The following THRB variants were observed in gnomAD, a reference collection of about 807,000 sequenced individuals.
THRB encodes the protein thyroid hormone receptor beta, also known as nuclear receptor subfamily 1 group A member 2.
Under a neutral mutation model 47.8 loss-of-function variants are expected in THRB, and 12 were observed. That is an observed-to-expected ratio of 0.25 (90% CI 0.16 to 0.41). THRB has a LOEUF of 0.41. THRB is among the 10% of genes least tolerant of loss of function. THRB has a pLI of 1.00. For missense variants in THRB, 348 were observed against 589.2 expected (o/e 0.59, Z 4.24); for synonymous variants, 218 against 212.2 (o/e 1.03, Z -0.24).
At position 24,271,419 on chromosome 3, in the gene THRB, A is replaced by C. The variant is rs147454804; in HGVS notation, c.-43+25807T>G. ...CTGAGTGTGGCTAAACTTGTAAAGC[A>C]AATGGCTGTGGGAACCAATGCTGTG... On this transcript the variant is annotated intron_variant, in intron 3 of 10. Transcript: ENST00000646209. Among the ~76,000 whole-genome samples the C allele has an allele frequency of 3.3e-5, 5 of 152,360 alleles. No homozygotes were observed. In the East Asian group the frequency reaches 9.6e-4, roughly 29 times the overall value.
At chr3:24,256,794 G>C (rs1451941505) in intron 3 of THRB, among the ~76,000 whole-genome samples, 1 of 152,186 alleles carries the variant, frequency 6.6e-6, no homozygotes, top group East Asian at 1.9e-4. Flanking sequence ...GAGAGCAAGG[G>C]AGGACAAAGA....
intron 1 of THRB, among the ~76,000 whole-genome samples, chr3:24,468,163 T>G (rs2074295288): frequency 6.6e-6 from 1 of 152,218 alleles, no homozygotes; most frequent in South Asian, 2.1e-4. Context: ...TCTGCAGCTT[T>G]CTTACCTCTC....
chr3:24,136,438 GGTTGAGCA>G (rs1559424207), intron 8 of THRB, among the ~76,000 whole-genome samples: 2 of 152,074 alleles, frequency 1.3e-5, no homozygotes, highest in African/African-American at 2.4e-5. Context: ...GGTTAATCAA[GGTTGAGCA>G]GTGAAACCCT....
At chr3:24,467,077 C>A (rs1486087227) in intron 1 of THRB, among the ~76,000 whole-genome samples, 1 of 152,174 alleles carries the variant, frequency 6.6e-6, no homozygotes, top group Non-Finnish European at 1.5e-5. Flanking sequence ...ATGGAATATT[C>A]TAAATCCTTT....
intron 1 of THRB, among the ~76,000 whole-genome samples, chr3:24,364,876 C>A (rs936187687): frequency 6.6e-5 from 10 of 152,068 alleles, no homozygotes; most frequent in African/African-American, 2.4e-4. Flanking sequence ...TAGAGAAATA[C>A]CAAAAATCAA....
At chr3:24,459,610 T>A (rs1489153556) in intron 1 of THRB, among the ~76,000 whole-genome samples, 2 of 152,220 alleles carry the variant, frequency 1.3e-5, no homozygotes, top group Non-Finnish European at 2.9e-5. Flanking sequence ...TTTCTCCACA[T>A]CCTCTCTAGC....
At chr3:24,256,482 T>A (rs1171502759) in intron 3 of THRB, among the ~76,000 whole-genome samples, 1 of 152,062 alleles carries the variant, frequency 6.6e-6, no homozygotes, top group Non-Finnish European at 1.5e-5. Flanking sequence ...TTAAAAAAAT[T>A]TAATGGAAGA....
intron 6 of THRB, among the ~76,000 whole-genome samples, chr3:24,147,736 G>A (rs762908770): frequency 1.3e-5 from 2 of 152,196 alleles, no homozygotes; most frequent in Non-Finnish European, 2.9e-5. Flanking sequence ...AGGGCACATT[G>A]CTAAGTGCTG....
At chr3:24,398,633 C>A (rs1417695086) in intron 1 of THRB, among the ~76,000 whole-genome samples, 1 of 152,172 alleles carries the variant, frequency 6.6e-6, no homozygotes, top group East Asian at 1.9e-4. Context: ...GTTGGTGGGA[C>A]TGTAAACTAG....
rs117238764 is a variant in THRB, at chr3:24,294,336, G to T, written c.-43+2890C>A. Among the ~76,000 whole-genome samples the T allele has an allele frequency of 5.9e-5, 9 of 152,250 alleles. No individual in the cohort carries two copies. The East Asian group carries it at 1.7e-3, about 29-fold the overall frequency. On this transcript the variant is annotated intron_variant, in intron 3 of 10. Coordinates refer to ENST00000646209, the MANE Select transcript of THRB (RefSeq NM_001354712.2). ...CACATTGCTGAGCCCAGCCCAGACT[G>T]AAGAATCATGAGAGGTAAAAAATAG... is the stretch of plus-strand genomic sequence containing the variant.
At chr3:24,482,514 T>C (rs1159892888) in intron 1 of THRB, among the ~76,000 whole-genome samples, 3 of 149,958 alleles carry the variant, frequency 2.0e-5, no homozygotes, top group Admixed American at 2.0e-4. Flanking sequence ...ATTCATTCGT[T>C]CTTTCTTTCT....
chr3:24,209,228 G>C (rs912853929), intron 4 of THRB, among the ~76,000 whole-genome samples: 72 of 152,308 alleles, frequency 4.7e-4, no homozygotes, highest in African/African-American at 1.7e-3. Context: ...CACTTTTACA[G>C]TGTTGGTGGG....
intron 1 of THRB, among the ~76,000 whole-genome samples, chr3:24,448,862 C>G (rs1291566665): frequency 6.6e-6 from 1 of 152,178 alleles, no homozygotes; most frequent in Admixed American, 6.5e-5. Context: ...CAGCAGATGA[C>G]AGGGAAGGAC....
At chr3:24,370,554 T>A (rs2064830579) in intron 1 of THRB, among the ~76,000 whole-genome samples, 1 of 151,958 alleles carries the variant, frequency 6.6e-6, no homozygotes, top group Non-Finnish European at 1.5e-5. Context: ...GAGATAATCA[T>A]CTATGGAGTG....
chr3:24,422,671 C>T (rs146024196), intron 1 of THRB, among the ~76,000 whole-genome samples: 1,601 of 151,992 alleles, frequency 0.011, 13 homozygotes, highest in Non-Finnish European at 0.017. Flanking sequence ...CCTCCCTGGC[C>T]TCTGCTGAAC....
At chr3:24,349,697 G>A (rs1450695708) in intron 1 of THRB, among the ~76,000 whole-genome samples, 1 of 152,002 alleles carries the variant, frequency 6.6e-6, no homozygotes, top group African/African-American at 2.4e-5. Context: ...ATCAATCCCA[G>A]GTGGGTTGCT....
At chr3:24,367,313 T>C (rs2064546559) in intron 1 of THRB, among the ~76,000 whole-genome samples, 1 of 152,148 alleles carries the variant, frequency 6.6e-6, no homozygotes, top group Non-Finnish European at 1.5e-5. Context: ...CAATTTAGAG[T>C]AAGGGATGGT....
chr3:24,372,994 C>T (rs531766769), intron 1 of THRB, among the ~76,000 whole-genome samples: 1 of 152,122 alleles, frequency 6.6e-6, no homozygotes, highest in South Asian at 2.1e-4. Context: ...CTCAAGGGGC[C>T]GAGGGGCCTA....
intron 1 of THRB, among the ~76,000 whole-genome samples, chr3:24,370,301 T>C (rs890107088): frequency 3.9e-5 from 6 of 152,152 alleles, no homozygotes; most frequent in Admixed American, 3.9e-4. Context: ...GTCACTGCCC[T>C]GAAATCTTTA....
Sources: allele counts gnomAD v4.1 joint callset (sites outside exome capture counted in the v4.1 genomes callset), GRCh38; gene constraint gnomAD v4.1.1; transcripts MANE v1.5; gene names NCBI Gene and HGNC (gene_info 2026-07-23, HGNC 2026-07-21).